ZNF385D: variants seen among roughly 807,000 people sequenced by gnomAD.
ZNF385D encodes the protein zinc finger protein 385D, also known as zinc finger protein 659.
Under a neutral mutation model 35.8 loss-of-function variants are expected in ZNF385D, and 15 were observed. The observed-to-expected ratio is 0.42, with a 90% CI of 0.28 to 0.64. ZNF385D has a LOEUF of 0.64. ZNF385D is among the 30% of genes least tolerant of loss of function. ZNF385D has a pLI of 0.23. For synonymous variants in ZNF385D, 212 were observed against 186.8 expected (o/e 1.13, Z -1.10); for missense variants, 474 against 494.6 (o/e 0.96, Z 0.39).
At chr3:21,857,730 T>A (rs895671483) in intron 3 of ZNF385D, among the ~76,000 whole-genome samples, 9 of 151,936 alleles carry the variant, frequency 5.9e-5, no homozygotes, top group African/African-American at 1.9e-4. Context: ...ACTCTCTTAC[T>A]GATGCTGTTA....
intron 2 of ZNF385D, among the ~76,000 whole-genome samples, chr3:22,337,055 CAA>C (rs1695203210): frequency 6.6e-6 from 1 of 150,926 alleles, no homozygotes; most frequent in Non-Finnish European, 1.5e-5. Context: ...TACCTGCTGT[CAA>C]AGAGTAGAAA....
At chr3:21,826,503 G>A (rs1261839244) in intron 3 of ZNF385D, among the ~76,000 whole-genome samples, 2 of 152,166 alleles carry the variant, frequency 1.3e-5, no homozygotes, top group African/African-American at 2.4e-5. Context: ...ATGGCAAGGG[G>A]TGGAGAAGAA....
intron 2 of ZNF385D, among the ~76,000 whole-genome samples, chr3:21,590,920 A>T (rs916634701): frequency 1.3e-5 from 2 of 152,144 alleles, no homozygotes; most frequent in African/African-American, 4.8e-5. Flanking sequence ...TTCAGGCCAG[A>T]CGCAACTTCT....
chr3:21,664,774 C>T, intron 2 of ZNF385D, 112 bp downstream of exon 2: 2 of 1,417,748 alleles, frequency 1.4e-6, no homozygotes, highest in South Asian at 2.4e-5. Context: ...CTAGACAAAC[C>T]ATGCAATGAA....
intron 4 of ZNF385D, among the ~76,000 whole-genome samples, chr3:21,474,511 A>C (rs1704108442): frequency 6.6e-6 from 1 of 152,058 alleles, no homozygotes; most frequent in Non-Finnish European, 1.5e-5. Context: ...GGTCAAACAC[A>C]TTGTTTGGAG....
intron 2 of ZNF385D, among the ~76,000 whole-genome samples, chr3:22,348,614 G>A (rs971601951): frequency 1.4e-5 from 2 of 145,024 alleles, no homozygotes; most frequent in African/African-American, 5.0e-5. Context: ...GCGGTGAGCC[G>A]AGATCACGCC....
intron 3 of ZNF385D, among the ~76,000 whole-genome samples, chr3:22,041,533 C>T (rs1698662911): frequency 6.6e-6 from 1 of 152,182 alleles, no homozygotes; most frequent in African/African-American, 2.4e-5. Flanking sequence ...CATAGCTTCA[C>T]TACAATATCA....
intron 1 of ZNF385D, among the ~76,000 whole-genome samples, chr3:21,735,425 T>C (rs1026509010): frequency 6.6e-6 from 1 of 152,160 alleles, no homozygotes; most frequent in African/African-American, 2.4e-5. Context: ...AATTTGTTAA[T>C]CTTCATTTTT....
chr3:21,997,862 C>T lies in ZNF385D; in HGVS notation c.325+170955G>A, dbSNP rs996715167. On this transcript the variant is annotated intron_variant, in intron 3 of 5. Coordinates refer to the ZNF385D transcript ENST00000494108. ...TTTGTTGATGTTGCTATTTGGCGCG[C>T]GCGCGCGCGCGTGTGTGTGTGTGTG... Among the ~76,000 whole-genome samples the T allele has an allele frequency of 2.3e-4, 26 of 112,560 alleles. No homozygotes were observed. In the South Asian group the frequency reaches 2.8e-3, roughly 12 times the overall value. 73.8% of individuals were successfully genotyped at this position (112,560 alleles called of 152,430 possible).
intron 4 of ZNF385D, among the ~76,000 whole-genome samples, chr3:21,437,715 A>AAAAAAAAAAAC (rs1701641054): frequency 6.7e-6 from 1 of 148,736 alleles, no homozygotes; most frequent in East Asian, 2.0e-4. Flanking sequence ...AAAAAAAAAA[A>AAAAAAAAAAAC]AAAACCGGAA....
chr3:22,223,835 T>C (rs1698400520), intron 2 of ZNF385D, among the ~76,000 whole-genome samples: 1 of 152,174 alleles, frequency 6.6e-6, no homozygotes. Context: ...TACATTTTCA[T>C]GTAGTTCCTA....
chr3:21,852,328 G>T (rs554362879), intron 3 of ZNF385D, among the ~76,000 whole-genome samples: 1 of 151,934 alleles, frequency 6.6e-6, no homozygotes, highest in South Asian at 2.1e-4. Context: ...ATTCCAACAA[G>T]CTCAATTAAT....
At chr3:21,762,472 A>G (rs2070661853) in intron 3 of ZNF385D, among the ~76,000 whole-genome samples, 1 of 152,076 alleles carries the variant, frequency 6.6e-6, no homozygotes, top group South Asian at 2.1e-4. Context: ...TGCCATACTC[A>G]TCATTAGTGA....
intron 3 of ZNF385D, among the ~76,000 whole-genome samples, chr3:21,548,672 A>G (rs1047905761): frequency 6.6e-6 from 1 of 152,208 alleles, no homozygotes; most frequent in Non-Finnish European, 1.5e-5. Flanking sequence ...CATGCTACTG[A>G]TATCCACCTT....
intron 2 of ZNF385D, among the ~76,000 whole-genome samples, chr3:22,354,483 A>G (rs1696060223): frequency 6.6e-6 from 1 of 152,118 alleles, no homozygotes; most frequent in African/African-American, 2.4e-5. Flanking sequence ...TCTCCAAAAT[A>G]TGACAGAAAT....
At chr3:22,192,648 G>C (rs550464265) in intron 2 of ZNF385D, among the ~76,000 whole-genome samples, 1 of 152,144 alleles carries the variant, frequency 6.6e-6, no homozygotes, top group East Asian at 1.9e-4. Flanking sequence ...TTGATGTCAT[G>C]GCCAACATCC....
intron 1 of ZNF385D, among the ~76,000 whole-genome samples, chr3:21,718,780 G>A (rs1389527639): frequency 6.6e-6 from 1 of 152,180 alleles, no homozygotes; most frequent in Non-Finnish European, 1.5e-5. Flanking sequence ...CAACCTGAAT[G>A]GAGAATGTTC....
chr3:22,271,642 C>A (rs1013639878), intron 2 of ZNF385D, among the ~76,000 whole-genome samples: 4 of 151,794 alleles, frequency 2.6e-5, no homozygotes, highest in Admixed American at 6.6e-5. Flanking sequence ...ATTTCCACCT[C>A]AAAATTGTGC....
At chr3:22,171,787 G>A (rs1359224187) in intron 2 of ZNF385D, among the ~76,000 whole-genome samples, 1 of 148,730 alleles carries the variant, frequency 6.7e-6, no homozygotes, top group East Asian at 2.1e-4. Context: ...TGAGGCAGGA[G>A]AATGGAGTGA....
Sources: allele counts gnomAD v4.1 joint callset (sites outside exome capture counted in the v4.1 genomes callset), GRCh38; gene constraint gnomAD v4.1.1; transcripts MANE v1.5; gene names NCBI Gene and HGNC (gene_info 2026-07-23, HGNC 2026-07-21).